COL27A1: variants seen among roughly 807,000 people sequenced by gnomAD.
COL27A1 encodes collagen alpha-1(XXVII) chain.
Under a neutral mutation model 251.3 loss-of-function variants are expected in COL27A1, and 106 were observed. That is an observed-to-expected ratio of 0.42 (90% confidence interval 0.36 to 0.50). The LOEUF (loss-of-function observed/expected upper bound fraction) is 0.50, where lower values mean the gene tolerates loss of function less well. Ranked by LOEUF, COL27A1 falls within the 20% of genes least tolerant of loss-of-function variation. The pLI, the probability that COL27A1 is intolerant of heterozygous loss-of-function variation, is 0.00. For missense variants in COL27A1, 2,325 were observed against 2,522.8 expected (o/e 0.92, Z 1.68); for synonymous variants, 1,000 against 986.3 (o/e 1.01, Z -0.26).
chr9:114,303,221 G>T lies in COL27A1; in HGVS notation c.4872+1113G>T, dbSNP rs757182768. 1.2e-3 allele frequency among the ~76,000 whole-genome samples: 176 copies of T among 150,304 alleles called. 1 individual carries two copies. Among genetic ancestry groups the T allele is most frequent in the African/African-American group, 3.2e-3 (130 of 41,092 alleles). Reference sequence around the variant, plus strand: ...TGCCAGACACCATTACAGGTGCTTTGCTTTTCTTTTTTTTTCTTTTCTTTT... The same window carrying T: ...TGCCAGACACCATTACAGGTGCTTTTCTTTTCTTTTTTTTTCTTTTCTTTT... On this transcript the variant is annotated intron_variant, in intron 56 of 60. Transcript: ENST00000356083.
intron 21 of COL27A1, 61 bp downstream of exon 21, chr9:114,240,548 C>G (rs1832690155): frequency 6.6e-7 from 1 of 1,513,614 alleles, no homozygotes; most frequent in Non-Finnish European, 9.0e-7. Context: ...CCAGCCTGCC[C>G]TGTCCTGGGT....
chr9:114,213,725 G>A (rs563296140), intron 12 of COL27A1, among the ~76,000 whole-genome samples: 65 of 152,296 alleles, frequency 4.3e-4, no homozygotes, highest in African/African-American at 1.5e-3. Flanking sequence ...TTCTCCCAGT[G>A]AACCTTTAAG....
chr9:114,205,721 T>A, intron 8 of COL27A1, 38 bp from the exon 9 acceptor site: 1 of 1,599,742 alleles, frequency 6.3e-7, no homozygotes, highest in Non-Finnish European at 8.6e-7. Flanking sequence ...CTGGGCAGGG[T>A]CTTTCTTTTC....
In COL27A1 at chr9:114,269,275, A is replaced by G; in HGVS notation, c.3536A>G (p.Gln1179Arg). The change falls in exon 35 of 61, where the codon CAG becomes CGG. Residue 1179 changes from glutamine (Q) to arginine (R), a missense_variant. Physicochemically the swap from Gln to Arg is conservative, Grantham distance 43 (BLOSUM62 1). Around this residue, in one of 4 missense-constraint regions of COL27A1, gnomAD observed 662 missense variants for 795.3 expected, o/e 0.83. Coordinates refer to ENST00000356083, the MANE Select transcript of COL27A1 (RefSeq NM_032888.4). ...DLGPLGTPGE[Q>R]GLIGQRGEPG... ...GGACCCCTGGGCACTCCTGGGGAGC[A>G]GGGCCTCATTGGGCAACGGGTAAGT... 5 of 1,608,734 alleles carry G rather than the reference A, an allele frequency of 3.1e-6. No homozygotes were observed. Among genetic ancestry groups the G allele is most frequent in the Non-Finnish European group, 2.5e-6 (3 of 1,177,124 alleles).
Position 114,249,443 on chromosome 9 carries a change from G to A in COL27A1, c.2980-1172G>A, listed in dbSNP as rs907992222. Among the ~76,000 whole-genome samples the A allele has an allele frequency of 2.0e-5, 3 of 152,302 alleles. No individual in the cohort carries two copies. The East Asian group carries it at 5.8e-4, about 29-fold the overall frequency. Reference sequence around the variant, plus strand: ...TGGTGCTGGGATGTACGGGAGATCCGGGCCCTGTTCACAGCCACATGCTTT... The same window carrying A: ...TGGTGCTGGGATGTACGGGAGATCCAGGCCCTGTTCACAGCCACATGCTTT... On this transcript the variant is annotated intron_variant, in intron 24 of 60. Coordinates refer to ENST00000356083, the MANE Select transcript of COL27A1 (RefSeq NM_032888.4).
chr9:114,288,511 G>A lies in COL27A1; in HGVS notation c.4044G>A (p.Arg1348=), dbSNP rs748960367. 1 of 1,604,324 alleles carries A rather than the reference G, an allele frequency of 6.2e-7. No homozygotes were observed. The highest frequency in any genetic ancestry group is 1.1e-5 in the South Asian group (1 of 88,806). The part of the protein sequence containing the change: ...AEGPPGPPGD[R]GPVGDRGDRG... ...GGCCCCCTGGGCCACCTGGAGATCGGGTAAGCCCCCTCCCTCCCCTGGACC... is the reference window on the plus strand; with the variant it reads ...GGCCCCCTGGGCCACCTGGAGATCGAGTAAGCCCCCTCCCTCCCCTGGACC... The change falls in exon 42 of 61, where the codon CGG becomes CGA. Residue 1348 remains arginine (R), a splice_region_variant and synonymous_variant. Coordinates refer to ENST00000356083, the MANE Select transcript of COL27A1 (RefSeq NM_032888.4).
intron 27 of COL27A1, among the ~76,000 whole-genome samples, chr9:114,253,414 G>A (rs1355816679): frequency 1.0e-5 from 1 of 100,232 alleles, no homozygotes; most frequent in Admixed American, 1.4e-4. Context: ...AAGACAGAAA[G>A]AAGAGGAGAA....
chr9:114,303,237 C>T (rs10817587), intron 56 of COL27A1, among the ~76,000 whole-genome samples: 49,270 of 136,496 alleles, frequency 0.36, 9,068 homozygotes, highest in Admixed American at 0.44. Flanking sequence ...CTTTTTTTTT[C>T]TTTTCTTTTT....
intron 57 of COL27A1, among the ~76,000 whole-genome samples, chr9:114,305,019 C>A (rs1177758964): frequency 6.6e-6 from 1 of 152,204 alleles, no homozygotes; most frequent in Non-Finnish European, 1.5e-5. Flanking sequence ...GTGCTCATCC[C>A]CACGTTTCTT....
At chr9:114,184,314 G>T (rs1406461076) in intron 5 of COL27A1, among the ~76,000 whole-genome samples, 1 of 152,256 alleles carries the variant, frequency 6.6e-6, no homozygotes, top group Non-Finnish European at 1.5e-5. Context: ...ACAGTGAGCT[G>T]CTGAGCAGCC....
intron 23 of COL27A1, among the ~76,000 whole-genome samples, chr9:114,244,719 G>A (rs571870127): frequency 6.6e-6 from 1 of 152,322 alleles, no homozygotes; most frequent in South Asian, 2.1e-4. Context: ...CCACATCCAT[G>A]TATGCGCCAA....
chr9:114,300,551 G>C, intron 50 of COL27A1, 74 bp from the exon 51 acceptor site: 1 of 1,257,282 alleles, frequency 8.0e-7, no homozygotes, highest in Non-Finnish European at 1.1e-6. Context: ...ACAGACCCCA[G>C]GGGTGAGGGA....
chr9:114,240,258 C>A lies in COL27A1; in HGVS notation c.2766C>A (p.Gly922=), dbSNP rs6478073. 6.2e-7 allele frequency: 1 copy of A among 1,603,416 alleles called. No individual in the cohort carries two copies. ...PGDIGPPGDN[G]PEGMKGKPGA... Reference sequence around the variant, plus strand: ...ACATCGGCCCCCCTGGCGACAATGGCCCAGAAGGCATGAAGGTGAGTACCT... The same window carrying A: ...ACATCGGCCCCCCTGGCGACAATGGACCAGAAGGCATGAAGGTGAGTACCT... The change falls in exon 20 of 61, where the codon GGC becomes GGA. Residue 922 remains glycine (G), a synonymous_variant. Transcript: ENST00000356083.
chr9:114,306,465 C>A, intron 57 of COL27A1, 55 bp from the exon 58 acceptor site: 1 of 1,586,112 alleles, frequency 6.3e-7, no homozygotes, highest in Non-Finnish European at 8.6e-7. Flanking sequence ...GAGGCTTGAA[C>A]CCCAGGCTGG....
chr9:114,209,828 C>A, intron 11 of COL27A1, 100 bp downstream of exon 11: 1 of 1,159,320 alleles, frequency 8.6e-7, no homozygotes, highest in South Asian at 1.3e-5. Context: ...GGAATTCCTC[C>A]TGGAGGAGGT....
chr9:114,172,312 G>A (rs1473318805), intron 3 of COL27A1, among the ~76,000 whole-genome samples: 1 of 152,160 alleles, frequency 6.6e-6, no homozygotes, highest in Non-Finnish European at 1.5e-5. Flanking sequence ...CAGAACAGAA[G>A]CTCCAGCTGC....
In COL27A1 at chr9:114,254,297, G is replaced by A. The variant is rs538784116; in HGVS notation, c.3141+1365G>A. 6.6e-5 allele frequency among the ~76,000 whole-genome samples: 10 copies of A among 151,740 alleles called. No homozygotes were observed. The South Asian group carries it at 1.9e-3, about 29-fold the overall frequency. On this transcript the variant is annotated intron_variant, in intron 27 of 60. Coordinates refer to ENST00000356083, the MANE Select transcript of COL27A1 (RefSeq NM_032888.4). Reference sequence around the variant, plus strand: ...AAGGCAGAGTGGTGGGAGAGGCTGGGAGAGCTGGGGGAAGGGTGCGGCCAG... The same window carrying A: ...AAGGCAGAGTGGTGGGAGAGGCTGGAAGAGCTGGGGGAAGGGTGCGGCCAG...
intron 59 of COL27A1, among the ~76,000 whole-genome samples, chr9:114,308,691 G>T (rs1286221001): frequency 6.6e-6 from 1 of 152,204 alleles, no homozygotes; most frequent in Non-Finnish European, 1.5e-5. Flanking sequence ...TTGGCGCCTG[G>T]GTTGGTGGCA....
At position 114,309,050 on chromosome 9, in the gene COL27A1, T is replaced by A. The variant is rs555095445; in HGVS notation, c.5218-210T>A. Among the ~76,000 whole-genome samples the A allele has an allele frequency of 6.6e-5, 10 of 152,284 alleles. No individual in the cohort carries two copies. In the East Asian group the frequency reaches 1.9e-3, roughly 29 times the overall value. Reference sequence around the variant, plus strand: ...TCTGGCTCTGGAGTCAGGCAGGCCCTTCCCACTTACGCAGCCAAGAACCTG... The same window carrying A: ...TCTGGCTCTGGAGTCAGGCAGGCCCATCCCACTTACGCAGCCAAGAACCTG... On this transcript the variant is annotated intron_variant, in intron 59 of 60. Coordinates refer to ENST00000356083, the MANE Select transcript of COL27A1 (RefSeq NM_032888.4).
Sources: allele counts gnomAD v4.1 joint callset (sites outside exome capture counted in the v4.1 genomes callset), GRCh38; gene constraint gnomAD v4.1.1; regional missense constraint gnomAD v4.1.1; transcripts MANE v1.5; gene names NCBI Gene and HGNC (gene_info 2026-07-23, HGNC 2026-07-21).